Variants in DENND2B observed in about 807,000 individuals in gnomAD.
DENND2B encodes the protein DENN domain containing 2B, also known as DENN domain-containing protein 2B.
DENND2B carries 32 observed loss-of-function variants against 116.0 expected under a neutral mutation model. That is an observed-to-expected ratio of 0.28 (90% confidence interval 0.21 to 0.37). The LOEUF is 0.37. DENND2B is among the 10% of genes least tolerant of loss of function. The pLI is 1.00. For synonymous variants in DENND2B, 588 were observed against 583.9 expected (o/e 1.01, Z -0.10); for missense variants, 1,276 against 1,477.7 (o/e 0.86, Z 2.24).
intron 2 of DENND2B, among the ~76,000 whole-genome samples, chr11:8,864,266 TTTG>T (rs777110701): frequency 5.3e-5 from 8 of 152,004 alleles, no homozygotes; most frequent in East Asian, 1.9e-4. Flanking sequence ...TCCAATTTCT[TTTG>T]TTGTTGTTGT....
chr11:8,907,167 T>C (rs2064249593), intron 1 of DENND2B, among the ~76,000 whole-genome samples: 1 of 152,248 alleles, frequency 6.6e-6, no homozygotes, highest in Non-Finnish European at 1.5e-5. Flanking sequence ...CTGTTCTCAT[T>C]AGTGAATTTA....
chr11:8,720,644 C>G (rs894796730), intron 4 of DENND2B, among the ~76,000 whole-genome samples: 7 of 152,226 alleles, frequency 4.6e-5, no homozygotes, highest in African/African-American at 1.2e-4. Flanking sequence ...CTTCACTGCC[C>G]TAACTCATCT....
At chr11:8,718,541 A>G (rs2045527831) in intron 4 of DENND2B, 1 of 1,432,306 alleles carries the variant, frequency 7.0e-7, no homozygotes, top group Admixed American at 2.7e-5. Flanking sequence ...GATCTGTTCG[A>G]TGACTCTCCT....
At chr11:8,851,023 AG>A (rs1227276758) in intron 3 of DENND2B, among the ~76,000 whole-genome samples, 2 of 152,182 alleles carry the variant, frequency 1.3e-5, no homozygotes, top group Admixed American at 1.3e-4. Flanking sequence ...ACCAGAGGCT[AG>A]GGGATGAAGG....
At chr11:8,760,940 T>A (rs937641138) in intron 1 of DENND2B, among the ~76,000 whole-genome samples, 2 of 152,148 alleles carry the variant, frequency 1.3e-5, no homozygotes, top group African/African-American at 4.8e-5. Flanking sequence ...TGTTGTTGCA[T>A]AATAATCAGA....
chr11:8,870,474 T>G (rs2063738859), intron 2 of DENND2B, among the ~76,000 whole-genome samples: 1 of 151,698 alleles, frequency 6.6e-6, no homozygotes, highest in Non-Finnish European at 1.5e-5. Context: ...TTCCTTTGTT[T>G]GAGTTCCGTG....
chr11:8,864,149 G>GA (rs1271675409), intron 2 of DENND2B, among the ~76,000 whole-genome samples: 4 of 152,166 alleles, frequency 2.6e-5, no homozygotes, highest in African/African-American at 9.7e-5. Context: ...CCTTAACAGA[G>GA]GTCATCTCAG....
rs1173757424 is a variant in DENND2B, at chr11:8,824,405, T to C, written c.-114-13070A>G. ...CCTGTTCTTCTCCTCTATGTGTCCATGTGTACTCAATGTTTAGCTCCCATT... is the reference window on the plus strand; with the variant it reads ...CCTGTTCTTCTCCTCTATGTGTCCACGTGTACTCAATGTTTAGCTCCCATT... On this transcript the variant is annotated intron_variant, in intron 4 of 6. Transcript: ENST00000524757. Among the ~76,000 whole-genome samples the C allele has an allele frequency of 4.6e-5, 7 of 152,272 alleles. No individual in the cohort carries two copies. In the East Asian group the frequency reaches 7.7e-4, roughly 17 times the overall value.
intron 8 of DENND2B, among the ~76,000 whole-genome samples, 198 bp downstream of exon 8, chr11:8,713,800 G>A (rs1334998744): frequency 6.6e-6 from 1 of 152,178 alleles, no homozygotes; most frequent in African/African-American, 2.4e-5. Flanking sequence ...ATTTAACCTT[G>A]CAGGGCTGAG....
intron 2 of DENND2B, among the ~76,000 whole-genome samples, chr11:8,745,626 C>A (rs747501543): frequency 2.6e-5 from 4 of 152,176 alleles, no homozygotes; most frequent in South Asian, 2.1e-4. Flanking sequence ...CTTGGGCAGC[C>A]CTTTGTTACT....
At chr11:8,816,382 C>A (rs2061568128) in intron 4 of DENND2B, among the ~76,000 whole-genome samples, 1 of 152,050 alleles carries the variant, frequency 6.6e-6, no homozygotes, top group African/African-American at 2.4e-5. Context: ...CCTATCTTTA[C>A]AAATAATAAT....
intron 1 of DENND2B, among the ~76,000 whole-genome samples, chr11:8,789,411 A>T (rs1468766347): frequency 1.3e-5 from 2 of 152,236 alleles, no homozygotes; most frequent in African/African-American, 4.8e-5. Context: ...CACACAGATT[A>T]CCTGCTAGTC....
At chr11:8,893,391 T>C (rs921215554) in intron 1 of DENND2B, among the ~76,000 whole-genome samples, 1 of 152,214 alleles carries the variant, frequency 6.6e-6, no homozygotes, top group African/African-American at 2.4e-5. Flanking sequence ...TTGAAAGTTC[T>C]GGCCAGGGCA....
At chr11:8,705,454 G>A (rs544664625) in intron 13 of DENND2B, among the ~76,000 whole-genome samples, 3 of 152,196 alleles carry the variant, frequency 2.0e-5, no homozygotes, top group South Asian at 2.1e-4. Context: ...CTCCTGAGCC[G>A]CAGCCCTCTC....
At chr11:8,816,593 T>C (rs2061576716) in intron 4 of DENND2B, among the ~76,000 whole-genome samples, 1 of 151,312 alleles carries the variant, frequency 6.6e-6, no homozygotes, top group Non-Finnish European at 1.5e-5. Context: ...CATATTCCTC[T>C]CCACCAATTC....
chr11:8,792,521 G>C (rs2059471737), intron 1 of DENND2B, among the ~76,000 whole-genome samples: 1 of 152,108 alleles, frequency 6.6e-6, no homozygotes, highest in Admixed American at 6.5e-5. Context: ...AAAATTATCA[G>C]CAACACATAT....
intron 4 of DENND2B, among the ~76,000 whole-genome samples, chr11:8,721,481 G>A (rs2046165061): frequency 7.4e-6 from 1 of 135,110 alleles, no homozygotes; most frequent in South Asian, 2.7e-4. Context: ...CTAGGGTCCT[G>A]GGTCTGCAGC....
chr11:8,787,150 G>C (rs1225530444), intron 1 of DENND2B: 4 of 152,152 alleles, frequency 2.6e-5, no homozygotes, highest in African/African-American at 7.2e-5. Context: ...CTATGCCATG[G>C]AAAGTACAGT....
intron 2 of DENND2B, among the ~76,000 whole-genome samples, chr11:8,747,184 C>T (rs2051417772): frequency 6.6e-6 from 1 of 152,264 alleles, no homozygotes; most frequent in East Asian, 1.9e-4. Flanking sequence ...AGGCTCTAGG[C>T]ACACAGAAAG....
Sources: allele counts gnomAD v4.1 joint callset (sites outside exome capture counted in the v4.1 genomes callset), GRCh38; gene constraint gnomAD v4.1.1; transcripts MANE v1.5; gene names NCBI Gene and HGNC (gene_info 2026-07-23, HGNC 2026-07-21).